The following TNS4 variants were observed in gnomAD, a reference collection of about 807,000 sequenced individuals.
The protein encoded by TNS4 is tensin-4.
In TNS4, 46 loss-of-function variants were observed where a neutral mutation model predicts 70.4. That is an observed-to-expected ratio of 0.65 (90% CI 0.52 to 0.84). TNS4 has a LOEUF of 0.84. Among genes scored for constraint, TNS4 ranks in the 40% least tolerant of loss-of-function variants. The pLI is 0.00. For missense variants in TNS4, 863 were observed against 907.0 expected, an observed-to-expected ratio of 0.95 and a Z score of 0.62; for synonymous variants, 390 against 366.6, an observed-to-expected ratio of 1.06 and a Z score of -0.73.
chr17:40,490,237 C>T (rs532024986), intron 2 of TNS4, among the ~76,000 whole-genome samples: 222 of 152,360 alleles, frequency 1.5e-3, no homozygotes, highest in African/African-American at 3.6e-3. Flanking sequence ...ACTCCCTGGT[C>T]GGGGCATCCA....
In TNS4 at chr17:40,493,641, T is replaced by G. The variant is rs567815805; in HGVS notation, c.439+2346A>C. ...GGGGCCAGGGCACAGAGAGGCAGCT[T>G]CCTCAGGACCCTCTGGCCACTGCCT... On this transcript the variant is annotated intron_variant, in intron 2 of 12. Coordinates refer to ENST00000254051, the MANE Select transcript of TNS4 (RefSeq NM_032865.6). Among the ~76,000 whole-genome samples, 45 of 152,346 alleles carry G rather than the reference T, an allele frequency of 3.0e-4. No homozygotes were observed. The South Asian group carries it at 9.1e-3, about 31-fold the overall frequency.
Position 40,496,193 on chromosome 17 carries a change from C to T in TNS4, c.233G>A (p.Cys78Tyr). The change falls in exon 2 of 13, where the codon TGC becomes TAC. Residue 78 changes from cysteine to tyrosine, a missense_variant. By Grantham distance (194) the Cys-to-Tyr change is radical. Coordinates refer to ENST00000254051, the MANE Select transcript of TNS4 (RefSeq NM_032865.6). ...CTTCTCACCAGGGGACGGCAGGAAG[C>T]AGGTGGCTTTGGCCTCCACCTGTGG... ...QAPQVEAKATCFLPSPGEKAL... is the reference protein window; with the variant it reads ...QAPQVEAKATYFLPSPGEKAL... 1 of 1,606,508 alleles carries T rather than the reference C, an allele frequency of 6.2e-7. No homozygotes were observed.
Position 40,490,708 on chromosome 17 carries a change from C to T in TNS4, c.440-1739G>A, listed in dbSNP as rs1000986082. Among the ~76,000 whole-genome samples, 15 of 152,294 alleles carry T rather than the reference C, an allele frequency of 9.8e-5. No individual in the cohort carries two copies. In the East Asian group the frequency reaches 1.3e-3, roughly 14 times the overall value. Reference sequence around the variant, plus strand: ...CAGCTGACTGGGACTTGCTGCTCAGCGGGTGGAGGAAGAGCCTAGCTTTGT... The same window carrying T: ...CAGCTGACTGGGACTTGCTGCTCAGTGGGTGGAGGAAGAGCCTAGCTTTGT... On this transcript the variant is annotated intron_variant, in intron 2 of 12. Transcript: ENST00000254051.
chr17:40,482,281 T>C (rs1281629035), intron 7 of TNS4, 43 bp downstream of exon 7: 3 of 1,613,710 alleles, frequency 1.9e-6, no homozygotes, highest in South Asian at 2.2e-5. Flanking sequence ...GAGACTTCGC[T>C]GGCCCCCCAT....
rs1348917633 is a variant in TNS4 at position 40,477,493 on chromosome 17, C to T, written c.*95G>A. 3.9e-6 allele frequency: 6 copies of T among 1,536,758 alleles called. No individual in the cohort carries two copies. The East Asian group carries it at 1.1e-4, about 29-fold the overall frequency. On this transcript the variant is annotated 3_prime_UTR_variant, in exon 13 of 13. Coordinates refer to ENST00000254051, the MANE Select transcript of TNS4 (RefSeq NM_032865.6). ...CCCCTAGTCCCATAGATTGGTCTGT[C>T]AATATGGCCACAAGCCACACCCATT...
At position 40,477,346 on chromosome 17, in the gene TNS4, G is replaced by C; in HGVS notation, c.*242C>G. 1 of 495,832 alleles carries C rather than the reference G, an allele frequency of 2.0e-6. No homozygotes were observed. Among genetic ancestry groups the C allele is most frequent in the Admixed American group, 3.5e-5 (1 of 28,736 alleles). The allele number at this position is 495,832 out of a possible 1,614,324, so 30.7% of individuals were successfully genotyped here. ...TGTTCAAATGCCCACCAGCATCTAA[G>C]AACAGCTGATCTTGTCTATTGGTCT... On this transcript the variant is annotated 3_prime_UTR_variant, in exon 13 of 13. Coordinates refer to ENST00000254051, the MANE Select transcript of TNS4 (RefSeq NM_032865.6).
intron 1 of TNS4, among the ~76,000 whole-genome samples, chr17:40,500,949 G>C (rs78418246): frequency 0.029 from 4,449 of 152,224 alleles, 99 homozygotes; most frequent in Non-Finnish European, 0.044. Flanking sequence ...CCTGGGTTCT[G>C]TGTCCAGTCC....
chr17:40,478,863 C>T (rs2035885263), intron 10 of TNS4, among the ~76,000 whole-genome samples: 1 of 152,228 alleles, frequency 6.6e-6, no homozygotes, highest in African/African-American at 2.4e-5. Flanking sequence ...CTCTGTCTTA[C>T]ACTCTGGGGT....
chr17:40,484,883 C>T (rs749095237), intron 5 of TNS4, 38 bp downstream of exon 5: 1 of 1,604,122 alleles, frequency 6.2e-7, no homozygotes, highest in Admixed American at 1.7e-5. Flanking sequence ...AGTGCAAGAC[C>T]CAGACCCTAT....
At position 40,487,235 on chromosome 17, in the gene TNS4, T is replaced by C; in HGVS notation, c.1089A>G (p.Pro363=). The change falls in exon 4 of 13, where the codon CCA becomes CCG. Residue 363 remains proline, a synonymous_variant. Transcript: ENST00000254051. ...TGTCCACCATGGAGTTGGTGATGGA[T>C]GGGGGGCAGCTGCTGGCATGTTCTT... ...LAKEHASSCP[P]SITNSMVDIP... 6.2e-7 allele frequency: 1 copy of C among 1,614,024 alleles called. No individual in the cohort carries two copies. Among genetic ancestry groups the C allele is most frequent in the Non-Finnish European group, 8.5e-7 (1 of 1,179,998 alleles).
chr17:40,482,205 C>A lies in TNS4; in HGVS notation c.1596G>T (p.Gly532=). ...GCTGGCACACGAAGGCAGAGAGGCT[C>A]CCTGAAAGGAAGCAAGCAGCCCTGC... The part of the protein sequence containing the change: ...LKGADEEPYF[G]SLSAFVCQHS... The change falls in exon 8 of 13, where the codon GGG becomes GGT. Residue 532 remains glycine, a splice_region_variant and synonymous_variant. Coordinates refer to ENST00000254051, the MANE Select transcript of TNS4 (RefSeq NM_032865.6). The A allele has an allele frequency of 6.2e-7, 1 of 1,614,178 alleles. No homozygotes were observed. The highest frequency in any genetic ancestry group is 1.1e-5 in the South Asian group (1 of 91,076).
chr17:40,494,207 C>T (rs2036111105), intron 2 of TNS4, among the ~76,000 whole-genome samples: 1 of 152,256 alleles, frequency 6.6e-6, no homozygotes, highest in Non-Finnish European at 1.5e-5. Context: ...TTTAGAATGG[C>T]ATATGGTGTG....
chr17:40,497,772 C>A (rs989526107), intron 1 of TNS4, among the ~76,000 whole-genome samples: 7 of 152,288 alleles, frequency 4.6e-5, no homozygotes, highest in African/African-American at 1.7e-4. Flanking sequence ...CCCGTAGGGC[C>A]TTGCAGGCTG....
intron 1 of TNS4, among the ~76,000 whole-genome samples, chr17:40,501,307 C>A (rs2036212172): frequency 6.6e-6 from 1 of 152,048 alleles, no homozygotes; most frequent in Non-Finnish European, 1.5e-5. Context: ...ATTAGCCGGG[C>A]ATGGTGGCAA....
At chr17:40,478,063 G>C in intron 12 of TNS4, 1 of 616,116 alleles carries the variant, frequency 1.6e-6, no homozygotes, top group Non-Finnish European at 2.8e-6. Context: ...AATAGCTTGA[G>C]GCTCCCTGAA....
At chr17:40,486,752 G>A (rs767618368) in intron 4 of TNS4, among the ~76,000 whole-genome samples, 17 of 152,016 alleles carry the variant, frequency 1.1e-4, no homozygotes, top group Non-Finnish European at 2.1e-4. Context: ...GATCCAGCTC[G>A]GATGTCGCTT....
chr17:40,489,197 G>A (rs2036034546), intron 2 of TNS4, among the ~76,000 whole-genome samples: 1 of 152,228 alleles, frequency 6.6e-6, no homozygotes, highest in African/African-American at 2.4e-5. Flanking sequence ...CCAGGCCTTG[G>A]AATCAGACAG....
chr17:40,497,014 G>A (rs4890087), intron 1 of TNS4, among the ~76,000 whole-genome samples: 135,697 of 152,226 alleles, frequency 0.89, 61,046 homozygotes, highest in East Asian at 0.98. Flanking sequence ...CAGAGAGGTA[G>A]GTAACTTGCC....
At chr17:40,477,806 G>T in intron 12 of TNS4, 77 bp from the exon 13 acceptor site, 3 of 1,387,144 alleles carry the variant, frequency 2.2e-6, no homozygotes, top group Non-Finnish European at 2.0e-6. Context: ...GTGGTGGGGG[G>T]CCCTCAGCCT....
Sources: allele counts gnomAD v4.1 joint callset (sites outside exome capture counted in the v4.1 genomes callset), GRCh38; gene constraint gnomAD v4.1.1; transcripts MANE v1.5; gene names NCBI Gene and HGNC (gene_info 2026-07-23, HGNC 2026-07-21).